The following ATP13A4 variants were observed in gnomAD, a reference collection of about 807,000 sequenced individuals.
The protein encoded by ATP13A4 is probable cation-transporting ATPase 13A4.
A neutral mutation model predicts 142.5 loss-of-function variants in ATP13A4; 114 were observed. The observed-to-expected ratio is 0.80, with a 90% confidence interval of 0.69 to 0.93. ATP13A4 has a LOEUF of 0.93. Among genes scored for constraint, ATP13A4 ranks in the 40% least tolerant of loss-of-function variants. The probability of loss-of-function intolerance (pLI) is 0.00; values close to 1 mark genes in which losing one functional copy is unlikely to be tolerated. For synonymous variants in ATP13A4, 488 were observed against 514.8 expected (o/e 0.95, Z 0.70); for missense variants, 1,392 against 1,454.0 (o/e 0.96, Z 0.69).
intron 25 of ATP13A4, among the ~76,000 whole-genome samples, chr3:193,426,347 A>T (rs1715666897): frequency 6.6e-6 from 1 of 151,868 alleles, no homozygotes; most frequent in Non-Finnish European, 1.5e-5. Flanking sequence ...TGTTGAAAGA[A>T]ATTAAAGATG....
chr3:193,519,873 G>A lies in ATP13A4; in HGVS notation c.61-5002C>T, dbSNP rs746707602. ...TTGGCCAGGCTGGTCTCGAACTCCC[G>A]ACCTCAGGTGATCCAGCCGCCTCAG... On this transcript the variant is annotated intron_variant, in intron 1 of 29. Transcript: ENST00000342695. Among the ~76,000 whole-genome samples, 25 of 151,806 alleles carry A rather than the reference G, an allele frequency of 1.6e-4. 1 individual carries two copies. Among genetic ancestry groups the A allele is most frequent in the Non-Finnish European group, 3.2e-4 (22 of 67,974 alleles).
chr3:193,564,822 C>T (rs1724096711), intron 2 of ATP13A4, among the ~76,000 whole-genome samples: 1 of 152,096 alleles, frequency 6.6e-6, no homozygotes, highest in Non-Finnish European at 1.5e-5. Flanking sequence ...TACAGCCACT[C>T]CCCATCACTC....
At chr3:193,528,937 C>T (rs1022604541) in intron 1 of ATP13A4, among the ~76,000 whole-genome samples, 1 of 152,080 alleles carries the variant, frequency 6.6e-6, no homozygotes, top group African/African-American at 2.4e-5. Context: ...CAAATATCAC[C>T]AATGGACCTA....
rs534292804 is a variant in ATP13A4, at chr3:193,505,294, T to C, written c.235-2655A>G. ...CAAGCTGTCACCCTCTGGCCCTGTG[T>C]GACAGCAGACAGACCTCCAGACTGT... On this transcript the variant is annotated intron_variant, in intron 2 of 29. Coordinates refer to ENST00000342695, the MANE Select transcript of ATP13A4 (RefSeq NM_032279.4). Among the ~76,000 whole-genome samples the C allele has an allele frequency of 2.0e-4, 30 of 152,276 alleles. No individual in the cohort carries two copies. The South Asian group carries it at 6.2e-3, about 32-fold the overall frequency.
At chr3:193,438,661 T>A in intron 22 of ATP13A4, 77 bp from the exon 23 acceptor site, 2 of 1,248,810 alleles carry the variant, frequency 1.6e-6, no homozygotes, top group Non-Finnish European at 2.3e-6. Flanking sequence ...AAAAGGCCAG[T>A]TAAGCTGGCC....
rs571647425 is a variant in ATP13A4 at position 193,453,689 on chromosome 3, A to T, written c.2027+412T>A. ...TTAAGCTGTGTATTTCCAATCAAAA[A>T]TTTTTTCTGGTAAATGTTATGTTTC... On this transcript the variant is annotated intron_variant, in intron 17 of 29. Transcript: ENST00000342695. 1.4e-4 allele frequency among the ~76,000 whole-genome samples: 21 copies of T among 152,042 alleles called. No individual in the cohort carries two copies. The East Asian group carries it at 2.7e-3, about 20-fold the overall frequency.
At chr3:193,503,775 C>G (rs1720693073) in intron 2 of ATP13A4, among the ~76,000 whole-genome samples, 2 of 152,148 alleles carry the variant, frequency 1.3e-5, no homozygotes. Flanking sequence ...CTTTACATGG[C>G]TGGATTCTAC....
intron 26 of ATP13A4, among the ~76,000 whole-genome samples, chr3:193,413,743 C>T (rs540960057): frequency 6.8e-4 from 104 of 152,314 alleles, no homozygotes; most frequent in African/African-American, 2.4e-3. Context: ...AATTTGAGGT[C>T]AGACTGGTTC....
At chr3:193,502,769 T>G in intron 2 of ATP13A4, 130 bp from the exon 3 acceptor site, 1 of 996,162 alleles carries the variant, frequency 1.0e-6, no homozygotes, top group South Asian at 1.4e-5. Context: ...GACAGAACGG[T>G]TTGTCTCTGA....
Position 193,491,375 on chromosome 3 carries a change from G to GT in ATP13A4, c.556dup (p.Thr186AsnfsTer5). 6.3e-7 allele frequency: 1 copy of GT among 1,599,354 alleles called. No individual in the cohort carries two copies. Among genetic ancestry groups the GT allele is most frequent in the Non-Finnish European group, 8.6e-7 (1 of 1,167,074 alleles). On this transcript the variant is annotated frameshift_variant, in exon 6 of 30. Transcript: ENST00000342695. LOFTEE classifies it high-confidence loss of function. ...AATTGGTGTAACTTCAACATCGATA[G>GT]TATTAGGCCCACATATTAACCTCCT...
intron 3 of ATP13A4, among the ~76,000 whole-genome samples, chr3:193,496,615 AC>A (rs1241862007): frequency 1.3e-5 from 2 of 152,132 alleles, no homozygotes; most frequent in East Asian, 1.9e-4. Flanking sequence ...ACATAGCAAA[AC>A]CATGTCTCTA....
intron 8 of ATP13A4, among the ~76,000 whole-genome samples, chr3:193,471,886 GC>G (rs989721149): frequency 6.6e-6 from 1 of 152,118 alleles, no homozygotes; most frequent in African/African-American, 2.4e-5. Context: ...GGGTGGGGTG[GC>G]AGGCTGCTCT....
chr3:193,576,281 T>TA, intron 2 of ATP13A4, among the ~76,000 whole-genome samples: 1 of 132,786 alleles, frequency 7.5e-6, no homozygotes, highest in Non-Finnish European at 1.5e-5. Flanking sequence ...TTTTTTTTTT[T>TA]TGAGACGGAG....
chr3:193,556,186 A>C (rs74531767), upstream of ATP13A4, among the ~76,000 whole-genome samples: 4,176 of 152,308 alleles, frequency 0.027, 186 homozygotes, highest in African/African-American at 0.093. Context: ...TGATGATAAT[A>C]GAACCTACGT....
chr3:193,446,255 T>TA (rs1459082393), intron 18 of ATP13A4, among the ~76,000 whole-genome samples: 1 of 151,922 alleles, frequency 6.6e-6, no homozygotes, highest in East Asian at 1.9e-4. Flanking sequence ...CTACCAGAAG[T>TA]AAAAATGGAA....
intron 26 of ATP13A4, among the ~76,000 whole-genome samples, chr3:193,412,917 G>T (rs2108604031): frequency 6.6e-6 from 1 of 152,246 alleles, no homozygotes. Context: ...TCAGCTACTG[G>T]GGAGGCTGAG....
intron 1 of ATP13A4, among the ~76,000 whole-genome samples, chr3:193,583,415 A>G (rs1724610447): frequency 2.8e-5 from 1 of 36,104 alleles, no homozygotes; most frequent in Non-Finnish European, 5.2e-5. Flanking sequence ...CCTGGGAGAC[A>G]GACTCCATCT....
chr3:193,566,849 A>G (rs993576539), intron 2 of ATP13A4, among the ~76,000 whole-genome samples: 2 of 152,230 alleles, frequency 1.3e-5, no homozygotes, highest in Non-Finnish European at 2.9e-5. Flanking sequence ...AAAAATGAAA[A>G]CAAGTTTTCT....
chr3:193,468,652 C>G (rs750471387), intron 9 of ATP13A4, among the ~76,000 whole-genome samples: 1 of 152,172 alleles, frequency 6.6e-6, no homozygotes, highest in Non-Finnish European at 1.5e-5. Context: ...GAGGCTGAAG[C>G]ACGAGAATCA....
Sources: gnomAD v4.1 joint callset for allele counts (sites outside exome capture counted in the v4.1 genomes callset) on GRCh38, gnomAD v4.1.1 for gene constraint, MANE v1.5 for transcripts, NCBI Gene and HGNC (gene_info 2026-07-23, HGNC 2026-07-21) for gene names.